The following TGM6 variants were observed in gnomAD, a reference collection of about 807,000 sequenced individuals.
TGM6 encodes the protein protein-glutamine gamma-glutamyltransferase 6.
In TGM6, 74 loss-of-function variants were observed where a neutral mutation model predicts 77.5. The observed-to-expected ratio is 0.96, with a 90% CI of 0.79 to 1.16. TGM6 has a LOEUF of 1.16. Ranked by LOEUF, TGM6 falls within the 50% of genes most tolerant of loss-of-function variation. The pLI is 0.00. For synonymous variants in TGM6, 383 were observed against 378.9 expected, an observed-to-expected ratio of 1.01 and a Z score of -0.12; for missense variants, 968 against 940.2, an observed-to-expected ratio of 1.03 and a Z score of -0.39.
chr20:2,408,391 G>A (rs941236177), intron 9 of TGM6, among the ~76,000 whole-genome samples: 1 of 152,126 alleles, frequency 6.6e-6, no homozygotes, highest in African/African-American at 2.4e-5. Flanking sequence ...GCCTGGCCAG[G>A]GGTCTCAGCA....
At chr20:2,429,717 C>T (rs1426154813) in intron 10 of TGM6, among the ~76,000 whole-genome samples, 2 of 151,442 alleles carry the variant, frequency 1.3e-5, no homozygotes, top group African/African-American at 2.4e-5. Flanking sequence ...TGCAGTGAGC[C>T]GAGATCATGC....
At chr20:2,401,040 A>G (rs1032612770) in intron 7 of TGM6, among the ~76,000 whole-genome samples, 2 of 151,732 alleles carry the variant, frequency 1.3e-5, no homozygotes, top group African/African-American at 4.8e-5. Flanking sequence ...CCCCATCCCT[A>G]CTAAAAACAC....
chr20:2,402,197 G>C (rs1407885738), intron 7 of TGM6, among the ~76,000 whole-genome samples: 2 of 152,166 alleles, frequency 1.3e-5, no homozygotes, highest in Non-Finnish European at 2.9e-5. Context: ...AGCCAAGATT[G>C]TGCCATTGCA....
intron 1 of TGM6, among the ~76,000 whole-genome samples, chr20:2,390,752 A>G (rs1203312085): frequency 6.6e-6 from 1 of 152,232 alleles, no homozygotes; most frequent in East Asian, 1.9e-4. Context: ...AGGAGTGGTC[A>G]GTGAAGGTCC....
At position 2,391,857 on chromosome 20, in the gene TGM6, C is replaced by A. The variant is rs114805296; in HGVS notation, c.8-2595C>A. Reference sequence around the variant, plus strand: ...GGTGGTCTGCCGACTATGGGCCCCTCCAACCTCATTGCCTTCCCCACACAT... The same window carrying A: ...GGTGGTCTGCCGACTATGGGCCCCTACAACCTCATTGCCTTCCCCACACAT... On this transcript the variant is annotated intron_variant, in intron 1 of 12. Transcript: ENST00000202625. Among the ~76,000 whole-genome samples, 716 of 152,308 alleles carry A rather than the reference C, an allele frequency of 4.7e-3. 5 individuals are homozygous for A. The highest frequency in any genetic ancestry group is 0.016 in the African/African-American group (684 of 41,560).
intron 9 of TGM6, among the ~76,000 whole-genome samples, chr20:2,411,325 A>G (rs2084782860): frequency 6.6e-6 from 1 of 152,236 alleles, no homozygotes; most frequent in South Asian, 2.1e-4. Flanking sequence ...TATCCCAAGA[A>G]TACAAGATGG....
intron 1 of TGM6, among the ~76,000 whole-genome samples, chr20:2,392,581 T>C (rs1219544139): frequency 6.6e-6 from 1 of 152,190 alleles, no homozygotes; most frequent in African/African-American, 2.4e-5. Context: ...ACAGGCATTA[T>C]TCCCATTCTG....
intron 4 of TGM6, among the ~76,000 whole-genome samples, 196 bp downstream of exon 4, chr20:2,396,820 C>T (rs542498371): frequency 6.3e-4 from 96 of 152,286 alleles, no homozygotes; most frequent in Non-Finnish European, 1.2e-3. Flanking sequence ...AGGGGAGGTG[C>T]TTTGGACAAG....
At chr20:2,384,074 T>A (rs2122321494) in intron 1 of TGM6, among the ~76,000 whole-genome samples, 1 of 132,502 alleles carries the variant, frequency 7.5e-6, no homozygotes, top group South Asian at 2.4e-4. Context: ...GCCACTGCAC[T>A]CCAGCCTGGG....
At chr20:2,401,031 C>T (rs1401159338) in intron 7 of TGM6, among the ~76,000 whole-genome samples, 3 of 151,798 alleles carry the variant, frequency 2.0e-5, no homozygotes, top group African/African-American at 7.3e-5. Context: ...ATAGTGAAAC[C>T]CCATCCCTAC....
intron 10 of TGM6, among the ~76,000 whole-genome samples, chr20:2,419,983 G>A (rs549260168): frequency 1.3e-5 from 2 of 152,240 alleles, no homozygotes; most frequent in Admixed American, 6.5e-5. Flanking sequence ...AGTGGCTCAC[G>A]CCTGTAATCC....
At chr20:2,402,872 G>A (rs1211442162) in intron 7 of TGM6, among the ~76,000 whole-genome samples, 1 of 152,090 alleles carries the variant, frequency 6.6e-6, no homozygotes, top group South Asian at 2.1e-4. Flanking sequence ...GAACACACAA[G>A]GCCTTTTCTT....
chr20:2,395,302 T>C lies in TGM6; in HGVS notation c.290T>C (p.Leu97Pro). 6.2e-7 allele frequency: 1 copy of C among 1,614,242 alleles called. No individual in the cohort carries two copies. The highest frequency in any genetic ancestry group is 8.5e-7 in the Non-Finnish European group (1 of 1,180,040). The change falls in exon 3 of 13, where the codon CTG becomes CCG. Residue 97 changes from leucine to proline, a missense_variant. Coordinates refer to ENST00000202625, the MANE Select transcript of TGM6 (RefSeq NM_198994.3). Reference sequence around the variant, plus strand: ...AGGGAGGCTCAGATGGAGAAAACTCTGACCGTCAGTCTCGCCAGCCCTCCC... The same window carrying C: ...AGGGAGGCTCAGATGGAGAAAACTCCGACCGTCAGTCTCGCCAGCCCTCCC... ...AAREAQMEKTLTVSLASPPSA... is the reference protein window; with the variant it reads ...AAREAQMEKTPTVSLASPPSA...
At chr20:2,404,535 A>T (rs764391856) in intron 9 of TGM6, among the ~76,000 whole-genome samples, 16 of 152,120 alleles carry the variant, frequency 1.1e-4, no homozygotes, top group Non-Finnish European at 2.2e-4. Context: ...CACAAGCTAG[A>T]GCAGTGACCC....
At chr20:2,428,823 T>C (rs186439209) in intron 10 of TGM6, among the ~76,000 whole-genome samples, 27 of 152,260 alleles carry the variant, frequency 1.8e-4, no homozygotes, top group African/African-American at 6.5e-4. Context: ...TTTATAATTA[T>C]AATTATTATT....
chr20:2,421,952 T>A (rs150154599), intron 10 of TGM6, among the ~76,000 whole-genome samples: 1,585 of 152,170 alleles, frequency 0.01, 25 homozygotes, highest in African/African-American at 0.036. Flanking sequence ...GTCAACATGG[T>A]GAAACCTCAT....
intron 10 of TGM6, among the ~76,000 whole-genome samples, chr20:2,418,253 C>G (rs1317655514): frequency 6.6e-6 from 1 of 152,172 alleles, no homozygotes; most frequent in African/African-American, 2.4e-5. Flanking sequence ...CCCGCCTTGG[C>G]CTCCCAAAGT....
chr20:2,430,780 A>G (rs1287634701), intron 11 of TGM6, 114 bp from the exon 12 acceptor site: 27 of 1,599,128 alleles, frequency 1.7e-5, no homozygotes, highest in Non-Finnish European at 2.2e-5. Context: ...AATGGGGTAT[A>G]TGGAGGTGGG....
At chr20:2,424,724 C>T (rs1294883493) in intron 10 of TGM6, among the ~76,000 whole-genome samples, 1 of 152,164 alleles carries the variant, frequency 6.6e-6, no homozygotes, top group Non-Finnish European at 1.5e-5. Context: ...CACAAGAGGC[C>T]TAGCTTTTGG....
Sources: allele counts gnomAD v4.1 joint callset (sites outside exome capture counted in the v4.1 genomes callset), GRCh38; gene constraint gnomAD v4.1.1; transcripts MANE v1.5; gene names NCBI Gene and HGNC (gene_info 2026-07-23, HGNC 2026-07-21).